BTD: variants seen among roughly 807,000 people sequenced by gnomAD.
BTD encodes the protein biotinidase.
Under a neutral mutation model 17.7 loss-of-function variants are expected in BTD, and 13 were observed. That is an observed-to-expected ratio of 0.74 (90% CI 0.48 to 1.17). The LOEUF (loss-of-function observed/expected upper bound fraction) is 1.17. BTD is among the 50% of genes most tolerant of loss of function. The pLI is 0.00. For missense variants in BTD, 674 were observed against 650.4 expected (o/e 1.04, Z -0.39); for synonymous variants, 240 against 245.2 (o/e 0.98, Z 0.20).
intron 1 of BTD, chr3:15,631,470 A>G: frequency 5.2e-6 from 8 of 1,535,364 alleles, no homozygotes; most frequent in East Asian, 2.4e-5. Flanking sequence ...AACACAGCTA[A>G]TTATTAAGAT....
intron 3 of BTD, among the ~76,000 whole-genome samples, chr3:15,679,985 T>C (rs1317988686): frequency 6.6e-6 from 1 of 152,156 alleles, no homozygotes; most frequent in Non-Finnish European, 1.5e-5. Flanking sequence ...AGAATGTGCA[T>C]AGGTTATATG....
intron 3 of BTD, chr3:15,686,456 G>A (rs1407953245): frequency 3.0e-6 from 2 of 665,690 alleles, no homozygotes; most frequent in Non-Finnish European, 5.1e-6. Flanking sequence ...GTAAAAAGAA[G>A]GTTTCTACGG....
At chr3:15,660,501 G>A (rs2065911280) in intron 3 of BTD, among the ~76,000 whole-genome samples, 2 of 152,118 alleles carry the variant, frequency 1.3e-5, no homozygotes, top group Admixed American at 6.5e-5. Context: ...CATATCCAAT[G>A]TCTTACAATT....
chr3:15,607,066 C>G (rs549333918), intron 1 of BTD, among the ~76,000 whole-genome samples: 1 of 151,004 alleles, frequency 6.6e-6, no homozygotes, highest in Non-Finnish European at 1.5e-5. Flanking sequence ...AGATTGGATA[C>G]CCCTGACAGG....
At chr3:15,627,480 A>C (rs1004442598) in intron 1 of BTD, among the ~76,000 whole-genome samples, 2 of 152,006 alleles carry the variant, frequency 1.3e-5, no homozygotes, top group African/African-American at 4.8e-5. Flanking sequence ...CTCCTGCCTC[A>C]CCCTCCCAAA....
intron 1 of BTD, among the ~76,000 whole-genome samples, chr3:15,618,882 A>G (rs962808864): frequency 6.6e-6 from 1 of 152,218 alleles, no homozygotes; most frequent in Non-Finnish European, 1.5e-5. Flanking sequence ...TATGAGAAAT[A>G]AATTGATGTT....
chr3:15,722,138 C>G (rs1018404136), exon 5 of BTD, among the ~76,000 whole-genome samples: 2 of 152,112 alleles, frequency 1.3e-5, no homozygotes, highest in Admixed American at 1.3e-4. Context: ...CTGTCCTTTG[C>G]CCCTGGCTTC....
downstream of BTD, among the ~76,000 whole-genome samples, chr3:15,716,917 G>A (rs1430926631): frequency 1.3e-5 from 2 of 152,046 alleles, no homozygotes; most frequent in Admixed American, 1.3e-4. Flanking sequence ...AGCTATGATG[G>A]TGCCACTGCA....
chr3:15,608,371 A>C (rs2064517451), intron 1 of BTD, among the ~76,000 whole-genome samples: 1 of 152,198 alleles, frequency 6.6e-6, no homozygotes, highest in East Asian at 1.9e-4. Context: ...AGCAGTCATT[A>C]CATCACTGAC....
intron 1 of BTD, among the ~76,000 whole-genome samples, chr3:15,634,567 T>A (rs1262906641): frequency 1.3e-5 from 2 of 152,242 alleles, no homozygotes; most frequent in Non-Finnish European, 2.9e-5. Context: ...TTCTAGTCTT[T>A]TCTGGTAGAA....
chr3:15,700,504 G>A (rs908314164), intron 3 of BTD, among the ~76,000 whole-genome samples: 6 of 151,732 alleles, frequency 4.0e-5, no homozygotes, highest in South Asian at 2.1e-4. Context: ...GGCCGGGCGC[G>A]GTGGCTCATG....
Position 15,692,863 on chromosome 3 carries a change from G to T in BTD, c.400-17197G>T, listed in dbSNP as rs549214881. The stretch of plus-strand genomic sequence containing the variant: ...ATAGCCAAGAGAAGAAAGCAACCCA[G>T]CATCTATTGTCAGATGAATGGATAA... On this transcript the variant is annotated intron_variant, in intron 3 of 3. Coordinates refer to the BTD transcript ENST00000672141. Among the ~76,000 whole-genome samples the T allele has an allele frequency of 2.0e-4, 30 of 152,260 alleles. No individual in the cohort carries two copies. In the South Asian group the frequency reaches 6.0e-3, roughly 31 times the overall value.
At chr3:15,634,891 A>G (rs565046291) in intron 1 of BTD, among the ~76,000 whole-genome samples, 3 of 152,354 alleles carry the variant, frequency 2.0e-5, no homozygotes, top group Admixed American at 6.5e-5. Context: ...AGTTATCCAT[A>G]GTATTTATTA....
At chr3:15,616,400 G>C (rs781164040) in intron 1 of BTD, among the ~76,000 whole-genome samples, 2 of 152,124 alleles carry the variant, frequency 1.3e-5, no homozygotes, top group Non-Finnish European at 2.9e-5. Flanking sequence ...TGGATCACCT[G>C]AGGTCAGGAG....
intron 3 of BTD, chr3:15,677,376 T>C (rs549598148): frequency 1.3e-6 from 1 of 782,848 alleles, no homozygotes; most frequent in East Asian, 2.6e-5. Context: ...CAGTGATCAT[T>C]AGAGAGGTTT....
chr3:15,641,896 T>C lies in BTD; in HGVS notation c.250-12T>C. ...CTGATAACAGACTATTCTTTGATGT[T>C]TTCATTTTCAGGATGTACAGATTAT... On this transcript the variant is annotated splice_polypyrimidine_tract_variant and intron_variant, in intron 2 of 3. Coordinates refer to ENST00000643237, the MANE Select transcript of BTD (RefSeq NM_001370658.1). 6.3e-7 allele frequency: 1 copy of C among 1,585,814 alleles called. No homozygotes were observed. Among genetic ancestry groups the C allele is most frequent in the Non-Finnish European group, 8.7e-7 (1 of 1,155,778 alleles).
At chr3:15,670,817 A>G (rs1219046810) in intron 3 of BTD, among the ~76,000 whole-genome samples, 1 of 152,258 alleles carries the variant, frequency 6.6e-6, no homozygotes, top group Non-Finnish European at 1.5e-5. Flanking sequence ...AAGGTCTCAC[A>G]ACTTATCCGT....
rs141571631 is a variant in BTD at position 15,652,568 on chromosome 3, C to A, written c.*7080C>A. 6.6e-6 allele frequency among the ~76,000 whole-genome samples: 1 copy of A among 152,146 alleles called. No homozygotes were observed. The highest frequency in any genetic ancestry group is 2.1e-4 in the South Asian group (1 of 4,824). ...TGCAACCTCATGAGAGACCCTGAGC[C>A]GGAACCACCCCACAAAGTCACTCTT... On this transcript the variant is annotated 3_prime_UTR_variant, in exon 4 of 4. Transcript: ENST00000643237.
chr3:15,657,291 G>A (rs2065881418), downstream of BTD, among the ~76,000 whole-genome samples: 5 of 152,316 alleles, frequency 3.3e-5, no homozygotes, highest in South Asian at 8.3e-4. Flanking sequence ...TGGGAGGAGT[G>A]TAAAAGAATT....
Sources: gnomAD v4.1 joint callset for allele counts (sites outside exome capture counted in the v4.1 genomes callset) on GRCh38, gnomAD v4.1.1 for gene constraint, MANE v1.5 for transcripts, NCBI Gene and HGNC (gene_info 2026-07-23, HGNC 2026-07-21) for gene names.